MAP3K5: variants seen among roughly 807,000 people sequenced by gnomAD.
MAP3K5 encodes ASK-1.
A neutral mutation model predicts 158.7 loss-of-function variants in MAP3K5; 56 were observed. The observed-to-expected ratio is 0.35, with a 90% CI of 0.28 to 0.44. MAP3K5 has a LOEUF of 0.44. Among genes scored for constraint, MAP3K5 ranks in the 20% least tolerant of loss-of-function variants. MAP3K5 has a pLI of 1.00. For missense variants in MAP3K5, 1,294 were observed against 1,674.8 expected, an observed-to-expected ratio of 0.77 and a Z score of 3.97; for synonymous variants, 579 against 601.7, an observed-to-expected ratio of 0.96 and a Z score of 0.55.
chr6:136,578,732 T>C (rs1774730071), intron 25 of MAP3K5, among the ~76,000 whole-genome samples: 1 of 152,128 alleles, frequency 6.6e-6, no homozygotes, highest in African/African-American at 2.4e-5. Flanking sequence ...TCTTGACCAA[T>C]GTTTGACATA....
chr6:136,582,262 ACG>A (rs763759682), intron 24 of MAP3K5, among the ~76,000 whole-genome samples: 6 of 108,868 alleles, frequency 5.5e-5, no homozygotes, highest in Admixed American at 9.9e-5. Flanking sequence ...GTGTGTGTAT[ACG>A]TGTGTGTGTG....
At chr6:136,638,545 A>C (rs944304785) in intron 13 of MAP3K5, among the ~76,000 whole-genome samples, 1 of 152,214 alleles carries the variant, frequency 6.6e-6, no homozygotes, top group Non-Finnish European at 1.5e-5. Flanking sequence ...GTTCTGGGGC[A>C]CACACTTCAT....
chr6:136,723,060 G>A (rs1462352131), intron 1 of MAP3K5, among the ~76,000 whole-genome samples: 1 of 151,656 alleles, frequency 6.6e-6, no homozygotes, highest in East Asian at 1.9e-4. Context: ...CCATTCCTTG[G>A]AATTTACTCT....
Position 136,791,903 on chromosome 6 carries a change from G to A in MAP3K5, c.255C>T (p.Gly85=), listed in dbSNP as rs1488659014. 1 of 1,613,124 alleles carries A rather than the reference G, an allele frequency of 6.2e-7. No individual in the cohort carries two copies. Among genetic ancestry groups the A allele is most frequent in the Non-Finnish European group, 8.5e-7 (1 of 1,179,892 alleles). Residue 85 remains glycine (G), a synonymous_variant, in exon 1 of 30, where the codon GGC becomes GGT. Transcript: ENST00000359015. The part of the protein sequence containing the change: ...SATRGRGSSV[G]GGSRRTTVAY... ...CCACCGTGGTCCGTCGGCTGCCCCC[G>A]CCAACAGAGCTGCCCCGGCCTCGGG...
chr6:136,691,078 T>G (rs1780364470), intron 7 of MAP3K5, among the ~76,000 whole-genome samples: 1 of 152,206 alleles, frequency 6.6e-6, no homozygotes, highest in South Asian at 2.1e-4. Flanking sequence ...TTTCTTAGGC[T>G]GCATTTATGA....
intron 23 of MAP3K5, among the ~76,000 whole-genome samples, chr6:136,589,383 G>C (rs1775283347): frequency 6.6e-6 from 1 of 152,194 alleles, no homozygotes; most frequent in African/African-American, 2.4e-5. Flanking sequence ...AAGAGGATGA[G>C]AAGTGTCATA....
intron 21 of MAP3K5, among the ~76,000 whole-genome samples, chr6:136,596,322 A>G (rs1422921507): frequency 6.6e-6 from 1 of 152,160 alleles, no homozygotes; most frequent in Admixed American, 6.5e-5. Flanking sequence ...AGCCACTGAG[A>G]AGTTGAGTAG....
intron 1 of MAP3K5, among the ~76,000 whole-genome samples, chr6:136,742,606 G>C (rs192886353): frequency 6.6e-6 from 1 of 151,930 alleles, no homozygotes; most frequent in Non-Finnish European, 1.5e-5. Context: ...TAACTTTTTA[G>C]ATACAATATC....
intron 1 of MAP3K5, among the ~76,000 whole-genome samples, chr6:136,732,151 G>A (rs569455275): frequency 8.5e-5 from 13 of 152,118 alleles, no homozygotes; most frequent in East Asian, 5.8e-4. Context: ...AGTACCAGGC[G>A]CAGTGGCTCA....
chr6:136,592,849 G>T, intron 21 of MAP3K5: 1 of 580,918 alleles, frequency 1.7e-6, no homozygotes, highest in Non-Finnish European at 3.3e-6. Flanking sequence ...ATATCTCTGG[G>T]GTACCAAAAC....
At chr6:136,669,920 T>TGC (rs1554295899) in intron 7 of MAP3K5, among the ~76,000 whole-genome samples, 3 of 147,854 alleles carry the variant, frequency 2.0e-5, no homozygotes, top group Non-Finnish European at 3.0e-5. Flanking sequence ...TGTGTGTGTG[T>TGC]ACAATAAACA....
At chr6:136,748,691 TAAAG>T (rs1034798673) in intron 1 of MAP3K5, among the ~76,000 whole-genome samples, 9 of 152,124 alleles carry the variant, frequency 5.9e-5, no homozygotes, top group African/African-American at 2.2e-4. Flanking sequence ...ACCTTAGAAA[TAAAG>T]AATTAAAACT....
intron 1 of MAP3K5, among the ~76,000 whole-genome samples, chr6:136,749,263 C>T (rs1783089981): frequency 6.6e-6 from 1 of 151,764 alleles, no homozygotes; most frequent in Non-Finnish European, 1.5e-5. Context: ...ATCCCAGCTA[C>T]TCAGGAGGCT....
At chr6:136,700,056 A>G (rs1245489204) in intron 3 of MAP3K5, among the ~76,000 whole-genome samples, 1 of 152,136 alleles carries the variant, frequency 6.6e-6, no homozygotes, top group Non-Finnish European at 1.5e-5. Context: ...CCTGGGTGAC[A>G]GAGCGAGACT....
At chr6:136,618,099 T>C (rs188055213) in intron 15 of MAP3K5, among the ~76,000 whole-genome samples, 6 of 152,348 alleles carry the variant, frequency 3.9e-5, no homozygotes, top group Admixed American at 3.9e-4. Context: ...TTTTAGAACA[T>C]GAAGGAAACA....
chr6:136,586,294 C>T (rs1333614214), intron 23 of MAP3K5, among the ~76,000 whole-genome samples: 2 of 152,214 alleles, frequency 1.3e-5, no homozygotes, highest in Non-Finnish European at 2.9e-5. Flanking sequence ...TTAGTAAAAA[C>T]TCAGTTGCAA....
chr6:136,560,397 C>T (rs1486537498), intron 28 of MAP3K5, among the ~76,000 whole-genome samples: 1 of 152,008 alleles, frequency 6.6e-6, no homozygotes, highest in East Asian at 1.9e-4. Context: ...GGGAATCTCT[C>T]GAGCCTGGCA....
Position 136,561,532 on chromosome 6 carries a change from C to T in MAP3K5, c.3987+1G>A. ...CTTGTCCCACAGACAGTTTTCTTTA[C>T]CCGGCTTATAGTGTCTTCATCAGCT... On this transcript the variant is annotated splice_donor_variant, in intron 28 of 29. Coordinates refer to ENST00000359015, the MANE Select transcript of MAP3K5 (RefSeq NM_005923.4). LOFTEE classifies it high-confidence loss of function. 6.2e-7 allele frequency: 1 copy of T among 1,604,514 alleles called. No individual in the cohort carries two copies. Among genetic ancestry groups the T allele is most frequent in the Non-Finnish European group, 8.5e-7 (1 of 1,171,584 alleles).
chr6:136,601,179 T>A, intron 20 of MAP3K5, 137 bp from the exon 21 acceptor site: 3 of 718,590 alleles, frequency 4.2e-6, no homozygotes, highest in Admixed American at 5.6e-5. Flanking sequence ...TCTCCTCCAA[T>A]ATAAACATCA....
Sources: allele counts gnomAD v4.1 joint callset (sites outside exome capture counted in the v4.1 genomes callset), GRCh38; gene constraint gnomAD v4.1.1; transcripts MANE v1.5; gene names NCBI Gene and HGNC (gene_info 2026-07-23, HGNC 2026-07-21).